The following NFILZ variants were observed in gnomAD, a reference collection of about 807,000 sequenced individuals.
The protein encoded by NFILZ is NFIL3 like protein.
In NFILZ at chr19:8,679,732, C is replaced by G. The variant is rs565538646; in HGVS notation, c.*2097C>G. Reference sequence around the variant, plus strand: ...CCCTTCTCCTTCCCTCCATGCCTGACCTTCCAGCAGGTGGCTTTTCTCATG... The same window carrying G: ...CCCTTCTCCTTCCCTCCATGCCTGAGCTTCCAGCAGGTGGCTTTTCTCATG... On this transcript the variant is annotated 3_prime_UTR_variant, in exon 6 of 6. Transcript: ENST00000691075. Among the ~76,000 whole-genome samples the G allele has an allele frequency of 3.5e-4, 54 of 152,266 alleles. No individual in the cohort carries two copies. The highest frequency in any genetic ancestry group is 1.2e-3 in the African/African-American group (51 of 41,540).
Position 8,656,335 on chromosome 19 carries a change from TTCCTGAAGCCCACCTCTTCC to T in NFILZ, c.-163-18215_-163-18196del, listed in dbSNP as rs2042996102. On this transcript the variant is annotated intron_variant, in intron 3 of 5. Coordinates refer to ENST00000691075, the MANE Select transcript of NFILZ (RefSeq NM_001378600.1). ...GCACCTCCTCCCTGAAGCCCCCTTCTTCCTGAAGCCCACCTCTTCCCTGAAGCCCACCTTCTCCCTGAAGC... is the reference window on the plus strand; with the variant it reads ...GCACCTCCTCCCTGAAGCCCCCTTCTCTGAAGCCCACCTTCTCCCTGAAGC... Among the ~76,000 whole-genome samples, 14 of 25,006 alleles carry T rather than the reference TTCCTGAAGCCCACCTCTTCC, an allele frequency of 5.6e-4. 1 individual carries two copies. Among genetic ancestry groups the T allele is most frequent in the Non-Finnish European group, 1.4e-3 (9 of 6,568 alleles). The allele number at this position is 25,006 out of a possible 152,430, so 16.4% of individuals were successfully genotyped here.
At chr19:8,636,434 C>T (rs1278084605) in intron 3 of NFILZ, among the ~76,000 whole-genome samples, 4 of 129,042 alleles carry the variant, frequency 3.1e-5, no homozygotes, top group African/African-American at 5.6e-5. Flanking sequence ...GGCAACACAG[C>T]GAGACTCCAT....
intron 1 of NFILZ, among the ~76,000 whole-genome samples, chr19:8,631,256 C>T (rs1172797111): frequency 3.3e-5 from 5 of 152,064 alleles, no homozygotes; most frequent in Non-Finnish European, 2.9e-5. Flanking sequence ...CTTTCCCTTC[C>T]CAGGACCCGG....
At chr19:8,631,854 G>GTA (rs2042871651) in intron 1 of NFILZ, among the ~76,000 whole-genome samples, 2 of 149,112 alleles carry the variant, frequency 1.3e-5, no homozygotes, top group African/African-American at 5.2e-5. Flanking sequence ...GTGTGTGTGT[G>GTA]TGTGTGTGTG....
chr19:8,633,938 CCTTCCT>C (rs2042883050), intron 2 of NFILZ, among the ~76,000 whole-genome samples: 3 of 140,804 alleles, frequency 2.1e-5, no homozygotes, highest in Non-Finnish European at 3.0e-5. Context: ...TTCCTTCCTT[CCTTCCT>C]TCCCTCCCTT....
At chr19:8,669,597 T>C (rs1200306142) in intron 3 of NFILZ, among the ~76,000 whole-genome samples, 2 of 152,172 alleles carry the variant, frequency 1.3e-5, no homozygotes, top group Non-Finnish European at 2.9e-5. Context: ...ACCTCTACCC[T>C]TCAGAGGTGC....
intron 3 of NFILZ, among the ~76,000 whole-genome samples, chr19:8,664,896 G>A (rs1252599875): frequency 2.6e-5 from 4 of 152,038 alleles, no homozygotes; most frequent in South Asian, 2.1e-4. Flanking sequence ...CCCCTGTGAC[G>A]GGCAGCTCAT....
At chr19:8,633,444 T>C (rs538557820) in intron 2 of NFILZ, among the ~76,000 whole-genome samples, 1 of 152,232 alleles carries the variant, frequency 6.6e-6, no homozygotes, top group Non-Finnish European at 1.5e-5. Flanking sequence ...CCAGTAAAAG[T>C]TGGTGTTATT....
chr19:8,647,836 C>CA (rs1555747323), intron 3 of NFILZ, among the ~76,000 whole-genome samples: 1 of 140,810 alleles, frequency 7.1e-6, no homozygotes, highest in South Asian at 2.3e-4. Flanking sequence ...CACACACACA[C>CA]AACTGGGGCC....
intron 3 of NFILZ, among the ~76,000 whole-genome samples, chr19:8,640,848 C>T (rs571234388): frequency 9.2e-5 from 14 of 152,160 alleles, no homozygotes; most frequent in Non-Finnish European, 1.8e-4. Flanking sequence ...TTGGGCAGGT[C>T]GTGCTGTATG....
At chr19:8,670,398 G>C (rs2043081170) in intron 3 of NFILZ, among the ~76,000 whole-genome samples, 1 of 152,096 alleles carries the variant, frequency 6.6e-6, no homozygotes, top group Non-Finnish European at 1.5e-5. Context: ...CATTGCACCT[G>C]GCCCCATATT....
intron 3 of NFILZ, among the ~76,000 whole-genome samples, chr19:8,663,716 G>GTT (rs2043043764): frequency 4.1e-4 from 60 of 144,900 alleles, no homozygotes; most frequent in African/African-American, 1.5e-3. Context: ...TGGTGTGTGT[G>GTT]TGTGTTTGTG....
chr19:8,656,653 G>T (rs577318271), intron 3 of NFILZ, among the ~76,000 whole-genome samples: 1 of 152,152 alleles, frequency 6.6e-6, no homozygotes, highest in Non-Finnish European at 1.5e-5. Flanking sequence ...AGCTGCCGCC[G>T]CCCAATGTTT....
chr19:8,651,524 T>G (rs1568420070), intron 3 of NFILZ, among the ~76,000 whole-genome samples: 4 of 150,942 alleles, frequency 2.7e-5, no homozygotes, highest in Non-Finnish European at 5.9e-5. Flanking sequence ...GTATTATTTC[T>G]TCTATCTAAC....
At chr19:8,651,566 C>G (rs1370493026) in intron 3 of NFILZ, among the ~76,000 whole-genome samples, 1 of 152,160 alleles carries the variant, frequency 6.6e-6, no homozygotes, top group Non-Finnish European at 1.5e-5. Flanking sequence ...GGGTCTCGCT[C>G]TGTTGCTCAG....
intron 3 of NFILZ, among the ~76,000 whole-genome samples, chr19:8,652,321 T>A (rs990745042): frequency 1.8e-4 from 28 of 152,156 alleles, no homozygotes; most frequent in Non-Finnish European, 2.9e-5. Context: ...GCCAGGATGG[T>A]CTCGATCTCC....
At position 8,680,068 on chromosome 19, in the gene NFILZ, C is replaced by G. The variant is rs1034903250; in HGVS notation, c.*2433C>G. ...AAAATTAGCCGGGCATGGTAGCGAG[C>G]GCCTGTAATCTCAGCTACTTGGGAG... is the stretch of plus-strand genomic sequence containing the variant. On this transcript the variant is annotated 3_prime_UTR_variant, in exon 6 of 6. Coordinates refer to ENST00000691075, the MANE Select transcript of NFILZ (RefSeq NM_001378600.1). 1.3e-5 allele frequency among the ~76,000 whole-genome samples: 2 copies of G among 151,726 alleles called. No homozygotes were observed. The highest frequency in any genetic ancestry group is 4.8e-5 in the African/African-American group (2 of 41,280).
At chr19:8,668,380 T>C (rs113679286) in intron 3 of NFILZ, among the ~76,000 whole-genome samples, 1,908 of 152,054 alleles carry the variant, frequency 0.013, 48 homozygotes, top group African/African-American at 0.044. Context: ...GGAATGATGG[T>C]ATACTTTTCA....
chr19:8,678,181 C>CCATCCAT lies in NFILZ; in HGVS notation c.*548_*554dup, dbSNP rs1297118926. Among the ~76,000 whole-genome samples, 1 of 67,304 alleles carries CCATCCAT rather than the reference C, an allele frequency of 1.5e-5. No individual in the cohort carries two copies. The highest frequency in any genetic ancestry group is 4.1e-4 in the East Asian group (1 of 2,422). The allele number at this position is 67,304 out of a possible 152,430, so 44.2% of individuals were successfully genotyped here. The stretch of plus-strand genomic sequence containing the variant: ...TCCATCCATCCATCCATCCATCCAT[C>CCATCCAT]CATCCATCCGTCCATCTATCCATCC... On this transcript the variant is annotated 3_prime_UTR_variant, in exon 6 of 6. Coordinates refer to ENST00000691075, the MANE Select transcript of NFILZ (RefSeq NM_001378600.1).
Sources: gnomAD v4.1 joint callset for allele counts (sites outside exome capture counted in the v4.1 genomes callset) on GRCh38, gnomAD v4.1.1 for gene constraint, MANE v1.5 for transcripts, NCBI Gene and HGNC (gene_info 2026-07-23, HGNC 2026-07-21) for gene names.